DLC1: variants seen among roughly 807,000 people sequenced by gnomAD.
The protein encoded by DLC1 is rho GTPase-activating protein 7.
Under a neutral mutation model 140.3 loss-of-function variants are expected in DLC1, and 54 were observed. The ratio of observed to expected loss-of-function variants is 0.38; its 90% confidence interval spans 0.31 to 0.48. DLC1 has a LOEUF of 0.48. Ranked by LOEUF, DLC1 falls within the 20% of genes least tolerant of loss-of-function variation. DLC1 has a pLI of 0.96. For synonymous variants in DLC1, 986 were observed against 728.1 expected (o/e 1.35, Z -5.70); for missense variants, 2,536 against 1,907.0 (o/e 1.33, Z -6.14).
intron 1 of DLC1, among the ~76,000 whole-genome samples, chr8:13,530,222 A>G (rs905879851): frequency 6.6e-6 from 1 of 152,178 alleles, no homozygotes; most frequent in Non-Finnish European, 1.5e-5. Flanking sequence ...TCCCATATCT[A>G]TTTAGATGCT....
chr8:13,137,239 A>G (rs143205570), intron 5 of DLC1, among the ~76,000 whole-genome samples: 2 of 152,080 alleles, frequency 1.3e-5, no homozygotes. Flanking sequence ...CCTTCAACTC[A>G]TCACTCAAGG....
intron 1 of DLC1, among the ~76,000 whole-genome samples, chr8:13,505,368 A>G (rs1802010135): frequency 6.6e-6 from 1 of 152,182 alleles, no homozygotes; most frequent in African/African-American, 2.4e-5. Flanking sequence ...ATCATAGTAC[A>G]ATCATATTGT....
chr8:13,319,854 G>A (rs1282735087), intron 4 of DLC1, among the ~76,000 whole-genome samples: 32 of 108,176 alleles, frequency 3.0e-4, no homozygotes, highest in South Asian at 1.6e-3. Flanking sequence ...ATGGAGTCTC[G>A]CTCTTTCGCC....
chr8:13,195,257 C>A (rs1399245467), intron 5 of DLC1, among the ~76,000 whole-genome samples: 1 of 145,024 alleles, frequency 6.9e-6, no homozygotes, highest in African/African-American at 2.5e-5. Context: ...GCATGGATAC[C>A]TTGGGATATC....
intron 2 of DLC1, among the ~76,000 whole-genome samples, chr8:13,489,469 A>G (rs922542659): frequency 1.4e-5 from 2 of 147,016 alleles, no homozygotes; most frequent in Non-Finnish European, 3.0e-5. Context: ...TACTATTAAG[A>G]ATAGCTGAAG....
chr8:13,444,151 A>G (rs796946317), intron 2 of DLC1, among the ~76,000 whole-genome samples: 22 of 151,934 alleles, frequency 1.4e-4, no homozygotes, highest in African/African-American at 4.3e-4. Context: ...TAGGTTCTGT[A>G]TATTAGCCCT....
chr8:13,377,983 T>A (rs962200927), intron 4 of DLC1, among the ~76,000 whole-genome samples: 1 of 151,430 alleles, frequency 6.6e-6, no homozygotes, highest in Non-Finnish European at 1.5e-5. Context: ...ATATGTTAAG[T>A]GTAGTAGTAC....
chr8:13,225,263 C>A lies in DLC1; in HGVS notation c.1348+80006G>T, dbSNP rs1276250890. 3.3e-5 allele frequency among the ~76,000 whole-genome samples: 5 copies of A among 152,216 alleles called. No homozygotes were observed. In the East Asian group the frequency reaches 9.6e-4, roughly 29 times the overall value. Reference sequence around the variant, plus strand: ...TGGGATTGCTGAAGTGGCCCCAAAACACTTTCAAAAGGCTTCATTCTTTAG... The same window carrying A: ...TGGGATTGCTGAAGTGGCCCCAAAAAACTTTCAAAAGGCTTCATTCTTTAG... On this transcript the variant is annotated intron_variant, in intron 5 of 17. Transcript: ENST00000276297.
intron 14 of DLC1, 41 bp from the exon 15 acceptor site, chr8:13,090,511 T>C (rs369765255): frequency 9.3e-6 from 15 of 1,605,236 alleles, no homozygotes; most frequent in African/African-American, 1.3e-5. Context: ...TGAGTCCACC[T>C]GTACTCAATC....
rs571122986 is a variant in DLC1, at chr8:13,428,373, G to A, written c.1024-26754C>T. On this transcript the variant is annotated intron_variant, in intron 2 of 17. Coordinates refer to ENST00000276297, the MANE Select transcript of DLC1 (RefSeq NM_182643.3). ...TTAATAGGCATGGCTTGAGAGGAATGTTTGAATAATCAAATCAATTTTCAA... is the reference window on the plus strand; with the variant it reads ...TTAATAGGCATGGCTTGAGAGGAATATTTGAATAATCAAATCAATTTTCAA... Among the ~76,000 whole-genome samples the A allele has an allele frequency of 6.8e-4, 104 of 152,270 alleles. 1 individual carries two copies. Among genetic ancestry groups the A allele is most frequent in the African/African-American group, 2.3e-3 (97 of 41,562 alleles).
intron 5 of DLC1, among the ~76,000 whole-genome samples, chr8:13,200,236 T>TA (rs112334394): frequency 0.1 from 15,465 of 148,076 alleles, 844 homozygotes; most frequent in South Asian, 0.16. Flanking sequence ...TATATATATA[T>TA]TTTTTTTAGT....
At chr8:13,289,091 A>C (rs547584586) in intron 5 of DLC1, among the ~76,000 whole-genome samples, 77 of 152,224 alleles carry the variant, frequency 5.1e-4, no homozygotes, top group Middle Eastern at 3.4e-3. Flanking sequence ...CTTTTTCCTA[A>C]GGCATTCGGT....
intron 5 of DLC1, among the ~76,000 whole-genome samples, chr8:13,148,665 T>C (rs1823601363): frequency 7.2e-6 from 1 of 138,930 alleles, no homozygotes; most frequent in African/African-American, 2.8e-5. Flanking sequence ...GTTGTTTTTG[T>C]TGTTGTTGTT....
intron 5 of DLC1, among the ~76,000 whole-genome samples, chr8:13,166,361 A>G (rs77324061): frequency 0.016 from 2,459 of 152,136 alleles, 62 homozygotes; most frequent in African/African-American, 0.056. Flanking sequence ...TTATTTTTTT[A>G]GACGGGGTCT....
chr8:13,404,178 G>C (rs1419294157), intron 2 of DLC1, among the ~76,000 whole-genome samples: 1 of 152,152 alleles, frequency 6.6e-6, no homozygotes, highest in Non-Finnish European at 1.5e-5. Flanking sequence ...ACTGTTTGGG[G>C]AGCATATTTC....
intron 4 of DLC1, among the ~76,000 whole-genome samples, chr8:13,350,318 T>G (rs1834587115): frequency 2.0e-5 from 3 of 152,180 alleles, no homozygotes; most frequent in Admixed American, 6.5e-5. Context: ...TTTTTTGTTC[T>G]TTGTCATTTA....
chr8:13,215,845 G>A lies in DLC1; in HGVS notation c.1348+89424C>T, dbSNP rs570237624. On this transcript the variant is annotated intron_variant, in intron 5 of 17. Transcript: ENST00000276297. ...TTAGATAGGACTAGTGCGCAAGCCC[G>A]TGGAGTAATCTACTGATTTTTCTGT... Among the ~76,000 whole-genome samples the A allele has an allele frequency of 9.2e-5, 14 of 152,216 alleles. 1 individual carries two copies. The South Asian group carries it at 2.5e-3, about 27-fold the overall frequency.
At chr8:13,478,029 C>A (rs941956537) in intron 2 of DLC1, among the ~76,000 whole-genome samples, 1 of 152,112 alleles carries the variant, frequency 6.6e-6, no homozygotes, top group African/African-American at 2.4e-5. Context: ...GAAAACCAGG[C>A]AGAGAACACC....
intron 5 of DLC1, among the ~76,000 whole-genome samples, chr8:13,237,183 GTA>G (rs775302583): frequency 7.9e-4 from 107 of 135,638 alleles, no homozygotes; most frequent in African/African-American, 2.2e-3. Context: ...GAGGATGTGT[GTA>G]TATATATATA....
Sources: gnomAD v4.1 joint callset for allele counts (sites outside exome capture counted in the v4.1 genomes callset) on GRCh38, gnomAD v4.1.1 for gene constraint, MANE v1.5 for transcripts, NCBI Gene and HGNC (gene_info 2026-07-23, HGNC 2026-07-21) for gene names.